The following KLF12 variants were observed in gnomAD, a reference collection of about 807,000 sequenced individuals.
The protein encoded by KLF12 is Krueppel-like factor 12.
KLF12 carries 9 observed loss-of-function variants against 37.8 expected under a neutral mutation model. The ratio of observed to expected loss-of-function variants is 0.24; its 90% CI spans 0.14 to 0.42. The LOEUF (loss-of-function observed/expected upper bound fraction) is 0.42. Among genes scored for constraint, KLF12 ranks in the 10% least tolerant of loss-of-function variants. The pLI is 1.00. For synonymous variants in KLF12, 208 were observed against 202.1 expected (o/e 1.03, Z -0.25); for missense variants, 411 against 516.0 (o/e 0.80, Z 1.97).
the KLF12 span, among the ~76,000 whole-genome samples, chr13:74,267,869 AT>A: frequency 6.6e-6 from 1 of 152,046 alleles, no homozygotes; most frequent in Non-Finnish European, 1.5e-5. Context: ...ATTATGATTA[AT>A]TTTTTAAAAA....
chr13:74,121,017 A>G (rs1877604509), intron 1 of KLF12, among the ~76,000 whole-genome samples: 2 of 152,200 alleles, frequency 1.3e-5, no homozygotes, highest in South Asian at 4.1e-4. Context: ...ACCCAATTAT[A>G]CAAAAAGTAT....
intron 1 of KLF12, among the ~76,000 whole-genome samples, chr13:74,025,629 A>G (rs1052056732): frequency 6.6e-6 from 1 of 152,194 alleles, no homozygotes; most frequent in African/African-American, 2.4e-5. Flanking sequence ...ACTCCACTGC[A>G]TAGGACATAA....
intron 2 of KLF12, among the ~76,000 whole-genome samples, chr13:73,957,062 AAAGGAAAGGAAAG>A (rs1890864905): frequency 1.3e-5 from 1 of 78,488 alleles, no homozygotes; most frequent in Non-Finnish European, 3.5e-5. Flanking sequence ...AAAGGAAAGG[AAAGGAAAGGAAAG>A]GAAAGGAAAG....
At chr13:73,915,470 C>T (rs1888775574) in intron 3 of KLF12, among the ~76,000 whole-genome samples, 1 of 151,998 alleles carries the variant, frequency 6.6e-6, no homozygotes, top group South Asian at 2.1e-4. Flanking sequence ...ACACCCTTTC[C>T]CTGCAGTCGC....
intron 1 of KLF12, among the ~76,000 whole-genome samples, chr13:74,069,307 T>C (rs1874091878): frequency 6.6e-6 from 1 of 152,172 alleles, no homozygotes; most frequent in African/African-American, 2.4e-5. Context: ...GCACCGATCC[T>C]GGAACAAATC....
intron 6 of KLF12, among the ~76,000 whole-genome samples, chr13:73,739,581 T>A (rs565516538): frequency 4.6e-5 from 7 of 152,156 alleles, no homozygotes; most frequent in Non-Finnish European, 1.0e-4. Flanking sequence ...GTCATTGCTC[T>A]GGGGCAGAGG....
the KLF12 span, among the ~76,000 whole-genome samples, chr13:74,226,585 T>C: frequency 2.0e-5 from 3 of 152,166 alleles, no homozygotes; most frequent in Non-Finnish European, 2.9e-5. Context: ...AGCTATGGCC[T>C]TCAGTTAAAA....
chr13:73,893,369 CTT>C lies in KLF12; in HGVS notation c.124-46998_124-46997del, dbSNP rs71115621. ...GAATGCACTCAATCAACAATATTGA[CTT>C]TTTTTTTTTTTTTTTTTTTTTTGAG... On this transcript the variant is annotated intron_variant, in intron 3 of 7. Transcript: ENST00000377669. Among the ~76,000 whole-genome samples the C allele has an allele frequency of 6.1e-3, 307 of 50,586 alleles. 1 individual carries two copies. The highest frequency in any genetic ancestry group is 0.033 in the East Asian group (46 of 1,412). 33.2% of individuals were successfully genotyped at this position (50,586 alleles called of 152,430 possible).
In KLF12 at chr13:73,944,062, G is replaced by A; in HGVS notation, c.42C>T (p.Asn14=). 1.2e-6 allele frequency: 2 copies of A among 1,602,948 alleles called. No homozygotes were observed. Among genetic ancestry groups the A allele is most frequent in the East Asian group, 2.2e-5 (1 of 44,794 alleles). ...GCATTAACATTCTGTTCTCAAAGGT[G>A]TTGATATTCTGAGAATAGAAGGGAG... is the stretch of plus-strand genomic sequence containing the variant. The change falls in exon 3 of 8, where the codon AAC becomes AAT. Residue 14 remains asparagine, a synonymous_variant. Transcript: ENST00000377669.
At chr13:73,964,035 T>C (rs939273488) in intron 2 of KLF12, among the ~76,000 whole-genome samples, 1 of 152,224 alleles carries the variant, frequency 6.6e-6, no homozygotes, top group African/African-American at 2.4e-5. Flanking sequence ...TACAATTTAT[T>C]ACCAGTGAAA....
the KLF12 span, among the ~76,000 whole-genome samples, chr13:74,303,049 T>C: frequency 3.3e-5 from 5 of 152,230 alleles, no homozygotes. Flanking sequence ...CCAAGTGGTA[T>C]TGATTGTTAT....
the KLF12 span, among the ~76,000 whole-genome samples, chr13:74,291,986 A>C: frequency 2.0e-5 from 3 of 152,370 alleles, no homozygotes; most frequent in African/African-American, 7.2e-5. Flanking sequence ...TAAATGCTTT[A>C]CAATATTATT....
At chr13:73,942,318 T>C (rs900724469) in intron 3 of KLF12, among the ~76,000 whole-genome samples, 1 of 152,168 alleles carries the variant, frequency 6.6e-6, no homozygotes, top group African/African-American at 2.4e-5. Flanking sequence ...TATTGTGAAA[T>C]GCAGACTGCT....
chr13:74,226,553 T>C, the KLF12 span, among the ~76,000 whole-genome samples: 1 of 152,116 alleles, frequency 6.6e-6, no homozygotes, highest in South Asian at 2.1e-4. Flanking sequence ...TTGGTAAACA[T>C]TAACAAATAG....
chr13:74,012,697 A>G (rs1703770721), intron 1 of KLF12, among the ~76,000 whole-genome samples: 1 of 152,214 alleles, frequency 6.6e-6, no homozygotes, highest in African/African-American at 2.4e-5. Context: ...TGAGTAAACA[A>G]ACTTGCTTAG....
intron 2 of KLF12, among the ~76,000 whole-genome samples, chr13:73,985,632 T>C (rs1355869052): frequency 1.3e-5 from 2 of 152,264 alleles, no homozygotes; most frequent in South Asian, 2.1e-4. Flanking sequence ...CAGCTTCTCA[T>C]TGTCAAGCGG....
intron 3 of KLF12, among the ~76,000 whole-genome samples, chr13:73,864,536 G>T (rs1465156257): frequency 6.6e-6 from 1 of 152,012 alleles, no homozygotes; most frequent in Non-Finnish European, 1.5e-5. Context: ...AAAAAAATCT[G>T]ATGCATATTT....
chr13:73,921,101 C>T (rs747849579), intron 3 of KLF12, among the ~76,000 whole-genome samples: 32 of 151,978 alleles, frequency 2.1e-4, no homozygotes, highest in Non-Finnish European at 4.0e-4. Flanking sequence ...CAGGCCCACT[C>T]GTCTCCCCTA....
chr13:74,113,688 C>T (rs1415721019), intron 1 of KLF12, among the ~76,000 whole-genome samples: 1 of 152,202 alleles, frequency 6.6e-6, no homozygotes, highest in Non-Finnish European at 1.5e-5. Context: ...TAGATTAAAG[C>T]TGTTTTCATG....
Sources: allele counts gnomAD v4.1 joint callset (sites outside exome capture counted in the v4.1 genomes callset), GRCh38; gene constraint gnomAD v4.1.1; transcripts MANE v1.5; gene names NCBI Gene and HGNC (gene_info 2026-07-23, HGNC 2026-07-21).